ABLIM1: variants seen among roughly 807,000 people sequenced by gnomAD.
The protein encoded by ABLIM1 is actin binding LIM protein 1.
A neutral mutation model predicts 107.0 loss-of-function variants in ABLIM1; 40 were observed. The ratio of observed to expected loss-of-function variants is 0.37; its 90% CI spans 0.29 to 0.49. ABLIM1 has a LOEUF of 0.49. Ranked by LOEUF, ABLIM1 falls within the 20% of genes least tolerant of loss-of-function variation. The pLI is 0.97. For missense variants in ABLIM1, 857 were observed against 1,008.5 expected (o/e 0.85, Z 2.04); for synonymous variants, 357 against 357.3 (o/e 1.00, Z 0.01).
intron 12 of ABLIM1, among the ~76,000 whole-genome samples, chr10:114,460,407 C>A (rs932493887): frequency 1.3e-5 from 2 of 152,136 alleles, no homozygotes; most frequent in African/African-American, 4.8e-5. Context: ...TCGAGACCAG[C>A]CTGGTCAACA....
the ABLIM1 span, among the ~76,000 whole-genome samples, chr10:114,774,187 G>C: frequency 6.6e-6 from 1 of 152,130 alleles, no homozygotes; most frequent in African/African-American, 2.4e-5. Context: ...AATTAGACTT[G>C]TCTTCCCAAA....
At chr10:114,749,172 C>A (rs1490617416) in intron 1 of ABLIM1, among the ~76,000 whole-genome samples, 2 of 152,154 alleles carry the variant, frequency 1.3e-5, no homozygotes, top group Non-Finnish European at 2.9e-5. Context: ...ACATACTTCA[C>A]AGGGTGGTTA....
In ABLIM1 at chr10:114,473,000, G is replaced by A; in HGVS notation, c.1252C>T (p.Gln418Ter). Reference protein sequence around the residue: ...PFYTSGYDDKQERQSLGESPR... With the variant: ...PFYTSGYDDK ...ACCTCTCCAAGGCTCTGTCTCTCCT[G>A]TTTGTCATCATAGCCCGAAGTGTAG... Residue 418 changes from glutamine to a stop codon, truncating the protein, a stop_gained, in exon 10 of 23, where the codon CAG becomes TAG. Coordinates refer to ENST00000533213, the MANE Select transcript of ABLIM1 (RefSeq NM_002313.7). LOFTEE classifies it high-confidence loss of function. The A allele has an allele frequency of 6.2e-7, 1 of 1,605,774 alleles. No individual in the cohort carries two copies. Among genetic ancestry groups the A allele is most frequent in the Non-Finnish European group, 8.5e-7 (1 of 1,175,562 alleles).
At chr10:114,684,657 C>A in exon 1 of ABLIM1, 1 of 1,146,174 alleles carries the variant, frequency 8.7e-7, no homozygotes, top group Admixed American at 4.2e-5. Flanking sequence ...CTCAATGACG[C>A]CACACCCACT....
rs904653879 is a variant in ABLIM1, at chr10:114,432,321, G to A, written c.*3939C>T. 5.9e-5 allele frequency: 9 copies of A among 152,196 alleles called. No individual in the cohort carries two copies. The highest frequency in any genetic ancestry group is 2.2e-4 in the African/African-American group (9 of 41,442). The allele number at this position is 152,196 out of a possible 1,614,324, so 9.4% of individuals were successfully genotyped here. On this transcript the variant is annotated 3_prime_UTR_variant, in exon 23 of 23. Transcript: ENST00000533213. ...TGAGATTGCTTCAGAGGACACAGGA[G>A]GGTTGATGAGACAGTCTATTTTCCT...
intron 1 of ABLIM1, among the ~76,000 whole-genome samples, chr10:114,620,192 A>C (rs2077378412): frequency 6.6e-6 from 1 of 152,268 alleles, no homozygotes; most frequent in African/African-American, 2.4e-5. Flanking sequence ...CATACTTAAA[A>C]AGTAGAAAAG....
At position 114,432,638 on chromosome 10, in the gene ABLIM1, G is replaced by T. The variant is rs1227558697; in HGVS notation, c.*3622C>A. 1 of 152,176 alleles carries T rather than the reference G, an allele frequency of 6.6e-6. No individual in the cohort carries two copies. The highest frequency in any genetic ancestry group is 1.5e-5 in the Non-Finnish European group (1 of 68,028). 9.4% of individuals were successfully genotyped at this position (152,176 alleles called of 1,614,324 possible). On this transcript the variant is annotated 3_prime_UTR_variant, in exon 23 of 23. Coordinates refer to ENST00000533213, the MANE Select transcript of ABLIM1 (RefSeq NM_002313.7). ...TTGCCAGCTAGACGTCTCCGAGTTA[G>T]AGTTGATTGATATACTGGATTGGGA...
rs397759195 is a variant in ABLIM1, at chr10:114,450,211, T to TAAAA, written c.1594+1409_1594+1412dup. 590 of 142,362 alleles carry TAAAA rather than the reference T, an allele frequency of 4.1e-3. 5 individuals are homozygous for TAAAA. The highest frequency in any genetic ancestry group is 0.017 in the African/African-American group (565 of 32,840). The allele number at this position is 142,362 out of a possible 1,614,324, so 8.8% of individuals were successfully genotyped here. On this transcript the variant is annotated intron_variant, in intron 14 of 22. Coordinates refer to ENST00000533213, the MANE Select transcript of ABLIM1 (RefSeq NM_002313.7). Reference sequence around the variant, plus strand: ...GAGTGTGTGGAAAGACAATAAACCATAAAAAAAAAAAAACAAAAACAATGT... The same window carrying TAAAA: ...GAGTGTGTGGAAAGACAATAAACCATAAAAAAAAAAAAAAAAACAAAAACAATGT...
At chr10:114,546,666 C>A (rs1301204549) in intron 5 of ABLIM1, among the ~76,000 whole-genome samples, 2 of 152,152 alleles carry the variant, frequency 1.3e-5, no homozygotes, top group East Asian at 3.8e-4. Flanking sequence ...GTGGGTGGGG[C>A]CCAAGCAACC....
At chr10:114,788,330 AAAATAAAAAAAAAAAAAAT>A in the ABLIM1 span, among the ~76,000 whole-genome samples, 3 of 135,038 alleles carry the variant, frequency 2.2e-5, no homozygotes, top group Admixed American at 7.2e-5. Context: ...GATCAATAAA[AAAATAAAAAAAAAAAAAAT>A]AAATAAATAA....
chr10:114,597,200 G>C (rs2075501277), intron 2 of ABLIM1, among the ~76,000 whole-genome samples: 1 of 152,204 alleles, frequency 6.6e-6, no homozygotes, highest in Admixed American at 6.5e-5. Flanking sequence ...TGGGCTAGGA[G>C]GAAGACAGCA....
intron 1 of ABLIM1, among the ~76,000 whole-genome samples, chr10:114,762,065 A>G (rs2082760963): frequency 2.1e-5 from 3 of 146,098 alleles, no homozygotes; most frequent in African/African-American, 7.7e-5. Context: ...ATGGAGTCTC[A>G]CTTTGTCGCC....
At chr10:114,507,363 C>T (rs919587448) in intron 6 of ABLIM1, among the ~76,000 whole-genome samples, 25 of 152,208 alleles carry the variant, frequency 1.6e-4, no homozygotes, top group African/African-American at 3.9e-4. Context: ...GAAGAAGGAA[C>T]GAAGACATAT....
chr10:114,615,540 CA>C (rs780564157), intron 1 of ABLIM1: 2 of 465,536 alleles, frequency 4.3e-6, no homozygotes, highest in Middle Eastern at 3.2e-4. Context: ...CCATCTTCTC[CA>C]TTACAAGGTA....
intron 4 of ABLIM1, among the ~76,000 whole-genome samples, chr10:114,568,419 T>C (rs928685392): frequency 2.8e-4 from 43 of 152,042 alleles, no homozygotes; most frequent in Admixed American, 2.8e-3. Flanking sequence ...TTTTAAAAAG[T>C]CATAAAAGAG....
chr10:114,754,370 A>G (rs141733521), intron 1 of ABLIM1, among the ~76,000 whole-genome samples: 1 of 152,318 alleles, frequency 6.6e-6, no homozygotes, highest in East Asian at 1.9e-4. Context: ...CTTATTAAAT[A>G]TCTACTCCAC....
chr10:114,454,560 G>A (rs2062450455), intron 12 of ABLIM1, among the ~76,000 whole-genome samples: 1 of 152,178 alleles, frequency 6.6e-6, no homozygotes, highest in East Asian at 1.9e-4. Flanking sequence ...GAGGAGAGAA[G>A]AGGGACCAGG....
chr10:114,603,419 T>G (rs1010695858), intron 1 of ABLIM1, among the ~76,000 whole-genome samples: 1 of 152,160 alleles, frequency 6.6e-6, no homozygotes, highest in Non-Finnish European at 1.5e-5. Context: ...CTGTGTTCTC[T>G]GCAAGGGACC....
chr10:114,610,936 G>A (rs546959550), intron 1 of ABLIM1, among the ~76,000 whole-genome samples: 16 of 152,164 alleles, frequency 1.1e-4, no homozygotes, highest in Admixed American at 4.6e-4. Flanking sequence ...GGCAGATCAC[G>A]AGGTCAGGAG....
Sources: allele counts gnomAD v4.1 joint callset (sites outside exome capture counted in the v4.1 genomes callset), GRCh38; gene constraint gnomAD v4.1.1; transcripts MANE v1.5; gene names NCBI Gene and HGNC (gene_info 2026-07-23, HGNC 2026-07-21).